Variants in NTRK2 observed in about 807,000 individuals in gnomAD.
The protein encoded by NTRK2 is BDNF/NT-3 growth factors receptor.
A neutral mutation model predicts 94.5 loss-of-function variants in NTRK2; 13 were observed. That is an observed-to-expected ratio of 0.14 (90% CI 0.09 to 0.22). NTRK2 has a LOEUF of 0.22. NTRK2 is among the 10% of genes least tolerant of loss of function. The probability of loss-of-function intolerance (pLI) is 1.00; values close to 1 mark genes in which losing one functional copy is unlikely to be tolerated. For missense variants in NTRK2, 639 were observed against 1,071.2 expected, an observed-to-expected ratio of 0.60 and a Z score of 5.63; for synonymous variants, 372 against 407.4, an observed-to-expected ratio of 0.91 and a Z score of 1.05.
chr9:84,786,874 C>T (rs1168418334), intron 12 of NTRK2, among the ~76,000 whole-genome samples: 2 of 152,164 alleles, frequency 1.3e-5, no homozygotes, highest in East Asian at 3.8e-4. Flanking sequence ...CGAAAATCCA[C>T]TCTCGATTTT....
At chr9:84,778,786 TCACGGA>T (rs1336814409) in intron 12 of NTRK2, among the ~76,000 whole-genome samples, 9 of 152,356 alleles carry the variant, frequency 5.9e-5, no homozygotes, top group East Asian at 1.9e-4. Context: ...GACTGTGCCT[TCACGGA>T]CACCGTGCAA....
At chr9:84,805,016 G>C (rs2070943280) in intron 12 of NTRK2, among the ~76,000 whole-genome samples, 1 of 152,124 alleles carries the variant, frequency 6.6e-6, no homozygotes, top group East Asian at 1.9e-4. Flanking sequence ...TTCTGTGGAT[G>C]GGGCAATGGT....
chr9:84,853,670 A>G (rs2074900355), intron 12 of NTRK2, among the ~76,000 whole-genome samples: 1 of 152,224 alleles, frequency 6.6e-6, no homozygotes, highest in Non-Finnish European at 1.5e-5. Context: ...TAAATTACAC[A>G]GACAAGATCC....
At chr9:84,992,772 C>G (rs1035729555) in intron 17 of NTRK2, among the ~76,000 whole-genome samples, 2 of 152,064 alleles carry the variant, frequency 1.3e-5, no homozygotes, top group African/African-American at 4.8e-5. Context: ...TCCATTTATG[C>G]AGATGTGATG....
At chr9:84,910,134 T>C (rs1204457371) in intron 14 of NTRK2, among the ~76,000 whole-genome samples, 1 of 152,178 alleles carries the variant, frequency 6.6e-6, no homozygotes, top group East Asian at 1.9e-4. Flanking sequence ...ACTTAGGAGA[T>C]TTGATTTTTG....
intron 15 of NTRK2, among the ~76,000 whole-genome samples, chr9:84,945,280 G>A (rs939284124): frequency 2.6e-5 from 4 of 151,938 alleles, no homozygotes; most frequent in African/African-American, 7.3e-5. Flanking sequence ...CACAAACTTC[G>A]TGTATCAGGG....
intron 12 of NTRK2, among the ~76,000 whole-genome samples, chr9:84,827,146 C>T (rs1256634469): frequency 6.6e-6 from 1 of 152,140 alleles, no homozygotes; most frequent in Non-Finnish European, 1.5e-5. Context: ...AGAGTGAATT[C>T]TATGGGGAAC....
At chr9:85,014,864 G>A (rs531546942) in intron 17 of NTRK2, among the ~76,000 whole-genome samples, 23 of 152,232 alleles carry the variant, frequency 1.5e-4, no homozygotes, top group African/African-American at 4.8e-4. Flanking sequence ...TCAAAATTAC[G>A]AGGTGTCATA....
At chr9:84,961,898 G>C (rs988196417) in intron 17 of NTRK2, among the ~76,000 whole-genome samples, 5 of 152,228 alleles carry the variant, frequency 3.3e-5, no homozygotes, top group African/African-American at 1.2e-4. Context: ...TTTGCAAGGA[G>C]GCCCTAGGCC....
chr9:84,848,081 G>C (rs1587658079), intron 12 of NTRK2, among the ~76,000 whole-genome samples: 1 of 3,262 alleles, frequency 3.1e-4, no homozygotes, highest in Non-Finnish European at 6.6e-4. Context: ...GAGAGGGGCA[G>C]AGAGAGAGAG....
chr9:84,796,500 G>A (rs910877764), intron 12 of NTRK2, among the ~76,000 whole-genome samples: 1 of 152,184 alleles, frequency 6.6e-6, no homozygotes, highest in Non-Finnish European at 1.5e-5. Flanking sequence ...CAAAGGAAAG[G>A]GGGTTTGTGA....
chr9:84,694,979 C>T (rs1026125503), intron 2 of NTRK2, among the ~76,000 whole-genome samples: 2 of 148,076 alleles, frequency 1.4e-5, no homozygotes, highest in Non-Finnish European at 3.0e-5. Context: ...AGATGGAGAC[C>T]ATCCTGGGGA....
intron 15 of NTRK2, among the ~76,000 whole-genome samples, chr9:84,939,734 G>T (rs2078339616): frequency 6.6e-6 from 1 of 152,086 alleles, no homozygotes; most frequent in Non-Finnish European, 1.5e-5. Flanking sequence ...CAGAAAAAAA[G>T]AATTTATTGG....
intron 17 of NTRK2, among the ~76,000 whole-genome samples, chr9:84,976,670 AG>A (rs1486587460): frequency 6.6e-6 from 1 of 152,178 alleles, no homozygotes; most frequent in Non-Finnish European, 1.5e-5. Context: ...ATGAGCATGA[AG>A]GGCAGGTGCT....
At position 84,797,610 on chromosome 9, in the gene NTRK2, A is replaced by G. The variant is rs1398337671; in HGVS notation, c.1396+45525A>G. ...ACTATATATACTATATATTATATAT[A>G]ATATATATACTATATATTATATATT... is the stretch of plus-strand genomic sequence containing the variant. On this transcript the variant is annotated intron_variant, in intron 12 of 18. Coordinates refer to ENST00000277120, the MANE Select transcript of NTRK2 (RefSeq NM_006180.6). Among the ~76,000 whole-genome samples the G allele has an allele frequency of 9.0e-4, 58 of 64,488 alleles. 1 individual carries two copies. Among genetic ancestry groups the G allele is most frequent in the Non-Finnish European group, 1.7e-3 (56 of 33,580 alleles). 42.3% of individuals were successfully genotyped at this position (64,488 alleles called of 152,430 possible). A position where few individuals can be genotyped will look rare whatever the true frequency, so the allele number is the denominator to read the frequency against.
intron 14 of NTRK2, among the ~76,000 whole-genome samples, chr9:84,881,865 G>A (rs928017348): frequency 7.9e-5 from 12 of 152,174 alleles, no homozygotes; most frequent in Non-Finnish European, 1.5e-4. Context: ...TTGGGTTTCA[G>A]GTATGCTAAA....
intron 18 of NTRK2, 118 bp from the exon 19 acceptor site, chr9:85,021,134 A>C: frequency 1.2e-6 from 1 of 860,892 alleles, no homozygotes; most frequent in Non-Finnish European, 1.9e-6. Context: ...TGAGAAAACA[A>C]AACCAAGAGT....
chr9:84,900,005 T>C (rs1325135401), intron 14 of NTRK2, among the ~76,000 whole-genome samples: 2 of 152,142 alleles, frequency 1.3e-5, no homozygotes, highest in Non-Finnish European at 2.9e-5. Flanking sequence ...CAGGGTGGTG[T>C]AAAGGAAGCA....
intron 12 of NTRK2, among the ~76,000 whole-genome samples, chr9:84,809,333 G>C (rs537113348): frequency 3.3e-5 from 5 of 151,014 alleles, no homozygotes; most frequent in Non-Finnish European, 5.9e-5. Flanking sequence ...TTATCACAGC[G>C]TCTACTGTTT....
Sources: gnomAD v4.1 joint callset for allele counts (sites outside exome capture counted in the v4.1 genomes callset) on GRCh38, gnomAD v4.1.1 for gene constraint, MANE v1.5 for transcripts, NCBI Gene and HGNC (gene_info 2026-07-23, HGNC 2026-07-21) for gene names.